The following ADAMTS6 variants were observed in gnomAD, a reference collection of about 807,000 sequenced individuals.
ADAMTS6 encodes the protein ADAM metallopeptidase with thrombospondin type 1 motif 6.
A neutral mutation model predicts 144.3 loss-of-function variants in ADAMTS6; 23 were observed. That is an observed-to-expected ratio of 0.16 (90% CI 0.11 to 0.23). ADAMTS6 has a LOEUF of 0.23. Ranked by LOEUF, ADAMTS6 falls within the 10% of genes least tolerant of loss-of-function variation. The pLI, the probability that ADAMTS6 is intolerant of heterozygous loss-of-function variation, is 1.00. For synonymous variants in ADAMTS6, 444 were observed against 457.5 expected (o/e 0.97, Z 0.38); for missense variants, 999 against 1,379.6 (o/e 0.72, Z 4.37).
intron 24 of ADAMTS6, among the ~76,000 whole-genome samples, chr5:65,160,182 T>A (rs972835392): frequency 2.6e-5 from 4 of 152,018 alleles, no homozygotes; most frequent in Admixed American, 6.6e-5. Context: ...TGGGGTAGAG[T>A]TGAAGTGGTT....
intron 20 of ADAMTS6, chr5:65,210,681 CA>C: frequency 1.6e-6 from 1 of 633,378 alleles, no homozygotes; most frequent in Non-Finnish European, 3.0e-6. Context: ...ATTCTGAAAG[CA>C]AATAATTTAA....
intron 20 of ADAMTS6, among the ~76,000 whole-genome samples, chr5:65,199,126 G>A (rs1044958592): frequency 6.6e-6 from 1 of 151,978 alleles, no homozygotes. Context: ...TGGTTAGTGT[G>A]ATTATTTTTT....
intron 24 of ADAMTS6, among the ~76,000 whole-genome samples, chr5:65,155,255 T>TTTA (rs1195315194): frequency 6.6e-6 from 1 of 152,108 alleles, no homozygotes; most frequent in Non-Finnish European, 1.5e-5. Flanking sequence ...TGTTAATCCT[T>TTTA]TTAAGTTCAG....
intron 11 of ADAMTS6, among the ~76,000 whole-genome samples, chr5:65,281,261 C>T (rs907903315): frequency 6.6e-6 from 1 of 152,162 alleles, no homozygotes; most frequent in African/African-American, 2.4e-5. Context: ...TTTCCCATTT[C>T]TCTTAAATGT....
intron 21 of ADAMTS6, among the ~76,000 whole-genome samples, chr5:65,191,696 AT>A (rs1361819117): frequency 3.3e-5 from 5 of 152,146 alleles, no homozygotes; most frequent in Admixed American, 1.3e-4. Context: ...TGTTAAAAAA[AT>A]AAAAAGAATT....
At chr5:65,481,096 C>G (rs574946668) in intron 1 of ADAMTS6, among the ~76,000 whole-genome samples, 1 of 124,734 alleles carries the variant, frequency 8.0e-6, no homozygotes, top group Non-Finnish European at 1.7e-5. Context: ...ATAAAATAAA[C>G]GTATTTTTTT....
intron 21 of ADAMTS6, 81 bp from the exon 22 acceptor site, chr5:65,188,301 A>T (rs1476848424): frequency 1.5e-6 from 2 of 1,303,972 alleles, no homozygotes; most frequent in Non-Finnish European, 2.2e-6. Context: ...AGGCACTTTC[A>T]CTGATGGACT....
At chr5:65,225,833 C>T (rs1383284769) in intron 16 of ADAMTS6, among the ~76,000 whole-genome samples, 3 of 152,036 alleles carry the variant, frequency 2.0e-5, no homozygotes, top group East Asian at 3.9e-4. Context: ...AAATTAAAAT[C>T]CAAAATATTT....
At chr5:65,402,711 G>T (rs1011810254) in intron 7 of ADAMTS6, among the ~76,000 whole-genome samples, 1 of 151,726 alleles carries the variant, frequency 6.6e-6, no homozygotes, top group African/African-American at 2.4e-5. Flanking sequence ...CATATTTGGC[G>T]CTGGATCCCT....
In ADAMTS6 at chr5:65,370,597, A is replaced by G. The variant is rs573979803; in HGVS notation, c.1074-36512T>C. ...TTAAAAAATGGCGCACCACGAGATT[A>G]TATCCCGCACCTGGATCGGAGGGTC... On this transcript the variant is annotated intron_variant, in intron 7 of 24. Coordinates refer to ENST00000381055, the MANE Select transcript of ADAMTS6 (RefSeq NM_197941.4). Among the ~76,000 whole-genome samples the G allele has an allele frequency of 2.6e-5, 4 of 152,306 alleles. No homozygotes were observed. In the East Asian group the frequency reaches 5.8e-4, roughly 22 times the overall value.
At chr5:65,395,756 T>G (rs763519907) in intron 7 of ADAMTS6, among the ~76,000 whole-genome samples, 6 of 152,292 alleles carry the variant, frequency 3.9e-5, no homozygotes, top group African/African-American at 7.2e-5. Context: ...TGTAAATCCC[T>G]GGTCCCATTT....
intron 8 of ADAMTS6, 24 bp downstream of exon 8, chr5:65,334,018 A>ACC: frequency 7.1e-7 from 1 of 1,413,690 alleles, no homozygotes; most frequent in South Asian, 1.7e-5. Context: ...AAAAAAAAAA[A>ACC]AAAAAAAACC....
chr5:65,469,720 T>G (rs1398293890), intron 3 of ADAMTS6, among the ~76,000 whole-genome samples: 1 of 152,252 alleles, frequency 6.6e-6, no homozygotes, highest in African/African-American at 2.4e-5. Flanking sequence ...TGAAATGTTT[T>G]CCTCCATTGT....
At chr5:65,403,594 T>C (rs1425935117) in intron 7 of ADAMTS6, among the ~76,000 whole-genome samples, 1 of 152,162 alleles carries the variant, frequency 6.6e-6, no homozygotes, top group Non-Finnish European at 1.5e-5. Flanking sequence ...CATACTCTTA[T>C]ACAATAAATT....
chr5:65,300,324 C>T (rs1356603388), intron 9 of ADAMTS6, among the ~76,000 whole-genome samples, 193 bp from the exon 10 acceptor site: 1 of 152,206 alleles, frequency 6.6e-6, no homozygotes, highest in Non-Finnish European at 1.5e-5. Flanking sequence ...TGATACAATA[C>T]ATGTCTAAAT....
chr5:65,303,666 ATATAT>A (rs1743654422), intron 9 of ADAMTS6, among the ~76,000 whole-genome samples: 3 of 151,818 alleles, frequency 2.0e-5, no homozygotes, highest in Non-Finnish European at 4.4e-5. Flanking sequence ...ATCTTTTAAA[ATATAT>A]TAGGATATAT....
chr5:65,460,171 C>A lies in ADAMTS6; in HGVS notation c.630G>T (p.Ser210=). The A allele has an allele frequency of 6.2e-7, 1 of 1,613,648 alleles. No homozygotes were observed. The highest frequency in any genetic ancestry group is 2.2e-5 in the East Asian group (1 of 44,860). Residue 210 remains serine, a splice_region_variant and synonymous_variant, in exon 4 of 25, where the codon TCG becomes TCT. Transcript: ENST00000381055. The part of the protein sequence containing the change: ...HLYDHSHCGV[S]DFTRSGKPWW... ...TGTAAAAGCTGCACACTCACTCACC[C>A]GAAACCCCACAATGAGAGTGATCAT...
In ADAMTS6 at chr5:65,329,436, T is replaced by A; in HGVS notation, c.1165A>T (p.Ile389Phe). ...GAACCCAGGCCAATGTCTTCATTAA[T>A]GCTGCAGCTCCTTTCAGGCTCACAC... ...GMCEPERSCS[I>F]NEDIGLGSAF... The change falls in exon 9 of 25, where the codon ATT becomes TTT. Residue 389 changes from isoleucine to phenylalanine, a missense_variant. Ile to Phe is a conservative substitution (Grantham distance 21). Coordinates refer to ENST00000381055, the MANE Select transcript of ADAMTS6 (RefSeq NM_197941.4). 6.2e-7 allele frequency: 1 copy of A among 1,613,086 alleles called. No individual in the cohort carries two copies. The highest frequency in any genetic ancestry group is 1.1e-5 in the South Asian group (1 of 91,006).
intron 21 of ADAMTS6, among the ~76,000 whole-genome samples, chr5:65,196,792 C>G (rs1755412563): frequency 6.6e-6 from 1 of 151,954 alleles, no homozygotes; most frequent in African/African-American, 2.4e-5. Flanking sequence ...TGTGTCAGAA[C>G]AAAATTCATT....
Sources: gnomAD v4.1 joint callset for allele counts (sites outside exome capture counted in the v4.1 genomes callset) on GRCh38, gnomAD v4.1.1 for gene constraint, MANE v1.5 for transcripts, NCBI Gene and HGNC (gene_info 2026-07-23, HGNC 2026-07-21) for gene names.